CCDC137: variants seen among roughly 807,000 people sequenced by gnomAD.
CCDC137 encodes coiled-coil domain containing 137, also known as coiled-coil domain-containing protein 137.
CCDC137 carries 24 observed loss-of-function variants against 30.4 expected under a neutral mutation model. The observed-to-expected ratio is 0.79, with a 90% CI of 0.57 to 1.11. The LOEUF (loss-of-function observed/expected upper bound fraction) is 1.11, where lower values mean the gene tolerates loss of function less well. CCDC137 is among the 50% of genes least tolerant of loss of function. The probability of loss-of-function intolerance (pLI) is 0.00; values close to 1 mark genes in which losing one functional copy is unlikely to be tolerated. For synonymous variants in CCDC137, 182 were observed against 155.7 expected (o/e 1.17, Z -1.26); for missense variants, 417 against 380.4 (o/e 1.10, Z -0.80).
intron 5 of CCDC137, 63 bp from the exon 6 acceptor site, chr17:81,672,432 G>A: frequency 6.8e-7 from 1 of 1,466,632 alleles, no homozygotes; most frequent in African/African-American, 1.4e-5. Flanking sequence ...TTGAAGCTGT[G>A]AGGCTTTCTG....
Position 81,672,475 on chromosome 17 carries a change from C to T in CCDC137, c.661-20C>T. 6.5e-7 allele frequency: 1 copy of T among 1,547,616 alleles called. No homozygotes were observed. The highest frequency in any genetic ancestry group is 1.4e-5 in the African/African-American group (1 of 73,198). ...CCCTCCTTTCCCAGCCTGTGCCTCA[C>T]CCTCCCCTCTCTCCCTCAGCCTGGC... On this transcript the variant is annotated intron_variant, in intron 5 of 5. Transcript: ENST00000329214.
At chr17:81,672,367 T>G (rs544341777) in intron 5 of CCDC137, 128 bp from the exon 6 acceptor site, 4 of 979,236 alleles carry the variant, frequency 4.1e-6, no homozygotes, top group Admixed American at 5.1e-5. Flanking sequence ...AGCCAACGTG[T>G]GCGCTGTCTG....
intron 2 of CCDC137, among the ~76,000 whole-genome samples, chr17:81,669,172 G>A (rs1237705424): frequency 6.6e-6 from 1 of 151,662 alleles, no homozygotes; most frequent in Non-Finnish European, 1.5e-5. Flanking sequence ...TTACAGGTGT[G>A]AGCCACTGTG....
In CCDC137 at chr17:81,670,321, A is replaced by G. The variant is rs200847273; in HGVS notation, c.365A>G (p.Asp122Gly). The change falls in exon 3 of 6, where the codon GAC (aspartate) becomes GGC (glycine). Residue 122 changes from aspartate (D) to glycine (G), a missense_variant. Transcript: ENST00000329214. ...PKFKQRKGESDGAYIHRMQQE... is the reference protein window; with the variant it reads ...PKFKQRKGESGGAYIHRMQQE... ...TTCAAACAGAGGAAGGGGGAGTCTG[A>G]CGGGGCCTATATCCACCGCATGCAG... 1.9e-6 allele frequency: 3 copies of G among 1,613,992 alleles called. No homozygotes were observed. In the African/African-American group the frequency reaches 4.0e-5, roughly 22 times the overall value.
rs370516445 is a variant in CCDC137, at chr17:81,672,679, G to A, written c.845G>A (p.Arg282Gln). The A allele has an allele frequency of 3.6e-5, 58 of 1,597,352 alleles. No homozygotes were observed. Among genetic ancestry groups the A allele is most frequent in the South Asian group, 2.8e-4 (25 of 88,490 alleles). The change falls in exon 6 of 6, where the codon CGG (arginine) becomes CAG (glutamine). Residue 282 changes from arginine to glutamine, a missense_variant. Transcript: ENST00000329214. ...LHGERPHLTS[R>Q]KKPEPQL is the part of the protein sequence containing the mutation. ...GGGGAGCGACCCCACCTCACTTCCC[G>A]GAAGAAGCCAGAGCCGCAGCTGTGA...
At position 81,672,768 on chromosome 17, in the gene CCDC137, G is replaced by C; in HGVS notation, c.*64G>C. The C allele has an allele frequency of 1.4e-6, 2 of 1,437,302 alleles. No individual in the cohort carries two copies. 89.0% of individuals were successfully genotyped at this position (1,437,302 alleles called of 1,614,324 possible). On this transcript the variant is annotated 3_prime_UTR_variant, in exon 6 of 6. Coordinates refer to ENST00000329214, the MANE Select transcript of CCDC137 (RefSeq NM_199287.3). Reference sequence around the variant, plus strand: ...CTGGCACCAGGAGCTGCTACACCTGGGTAGGAGAGAGGCAGGCCATGCCAG... The same window carrying C: ...CTGGCACCAGGAGCTGCTACACCTGCGTAGGAGAGAGGCAGGCCATGCCAG...
chr17:81,668,994 A>G (rs569752514), intron 2 of CCDC137, among the ~76,000 whole-genome samples: 9 of 151,622 alleles, frequency 5.9e-5, no homozygotes, highest in African/African-American at 1.7e-4. Context: ...AGTGCAAGCA[A>G]TTCTCCTGCC....
chr17:81,670,486 C>G (rs1466764771), intron 3 of CCDC137, 33 bp downstream of exon 3: 2 of 1,575,068 alleles, frequency 1.3e-6, no homozygotes, highest in East Asian at 4.5e-5. Context: ...GGGGTCTGCC[C>G]TGGGAGCCGG....
In CCDC137 at chr17:81,671,726, A is replaced by AT. The variant is rs1491183290; in HGVS notation, c.498-17dup. The AT allele has an allele frequency of 2.5e-6, 4 of 1,611,886 alleles. No individual in the cohort carries two copies. The Admixed American group carries it at 6.7e-5, about 27-fold the overall frequency. On this transcript the variant is annotated splice_polypyrimidine_tract_variant and intron_variant, in intron 3 of 5. Transcript: ENST00000329214. ...AAGAGAATTTAGGAATCTGAGTGAC[A>AT]TGTGCTTTCTTCCCCAGGTTCCAGA...
chr17:81,672,255 A>T (rs1418260741), intron 5 of CCDC137, 100 bp downstream of exon 5: 2 of 1,273,564 alleles, frequency 1.6e-6, no homozygotes, highest in Non-Finnish European at 2.2e-6. Flanking sequence ...CTGTAATCCC[A>T]GCACATTGGG....
chr17:81,671,898 C>A, intron 4 of CCDC137, 72 bp downstream of exon 4: 1 of 1,558,482 alleles, frequency 6.4e-7, no homozygotes, highest in Non-Finnish European at 8.8e-7. Context: ...CTGTTCCCCA[C>A]CAGCCCTGGC....
rs749160361 is a variant in CCDC137, at chr17:81,667,712, C to A, written c.135-17C>A. The A allele has an allele frequency of 9.3e-6, 15 of 1,613,354 alleles. No homozygotes were observed. Among genetic ancestry groups the A allele is most frequent in the Non-Finnish European group, 1.2e-5 (14 of 1,179,862 alleles). On this transcript the variant is annotated splice_polypyrimidine_tract_variant and intron_variant, in intron 1 of 5. Coordinates refer to ENST00000329214, the MANE Select transcript of CCDC137 (RefSeq NM_199287.3). ...CTTTACTTGGGACGGGTCTCACCCC[C>A]GTGTTCTTTCTCCCAGCAAAGAGAA...
At chr17:81,670,475 A>C in intron 3 of CCDC137, 22 bp downstream of exon 3, 1 of 1,590,492 alleles carries the variant, frequency 6.3e-7, no homozygotes, top group Non-Finnish European at 8.6e-7. Flanking sequence ...CGGGAGGGGG[A>C]GGGGTCTGCC....
At position 81,667,778 on chromosome 17, in the gene CCDC137, G is replaced by T. The variant is rs372565856; in HGVS notation, c.184G>T (p.Glu62Ter). 1.1e-5 allele frequency: 18 copies of T among 1,613,432 alleles called. No homozygotes were observed. Among genetic ancestry groups the T allele is most frequent in the African/African-American group, 1.1e-4 (8 of 74,898 alleles). ...NCKPKNQDEQ[E>*]IPFRLREIMR... Reference sequence around the variant, plus strand: ...CAAGCCCAAGAACCAGGACGAACAGGAGATTCCTTTCCGGCTCCGGGAGAT... The same window carrying T: ...CAAGCCCAAGAACCAGGACGAACAGTAGATTCCTTTCCGGCTCCGGGAGAT... Residue 62 changes from glutamate (E) to a stop codon, truncating the protein, a stop_gained, in exon 2 of 6, where the codon GAG (glutamate) becomes TAG (stop). Coordinates refer to ENST00000329214, the MANE Select transcript of CCDC137 (RefSeq NM_199287.3). LOFTEE classifies it high-confidence loss of function.
intron 2 of CCDC137, among the ~76,000 whole-genome samples, chr17:81,668,513 A>G (rs2036679272): frequency 6.6e-6 from 1 of 152,188 alleles, no homozygotes; most frequent in African/African-American, 2.4e-5. Flanking sequence ...CAAACGTGGC[A>G]CTGGTTTTAC....
chr17:81,667,858 AGCAGGTGTGTGCAG>A lies in CCDC137; in HGVS notation c.267_268+12del. On this transcript the variant is annotated splice_donor_variant and splice_donor_5th_base_variant and coding_sequence_variant and intron_variant, in exon 2 of 6. Transcript: ENST00000329214. LOFTEE classifies it high-confidence loss of function. ...CGATCAGTAACAAGAAGAGGAAGAA[AGCAGGTGTGTGCAG>A]GCCCATACTGGGCGGCAGTGAAGCT... is the stretch of plus-strand genomic sequence containing the variant. The A allele has an allele frequency of 6.2e-7, 1 of 1,611,490 alleles. No homozygotes were observed. Among genetic ancestry groups the A allele is most frequent in the Non-Finnish European group, 8.5e-7 (1 of 1,179,886 alleles).
chr17:81,672,428 C>G (rs2036729867), intron 5 of CCDC137, 67 bp from the exon 6 acceptor site: 1 of 1,437,522 alleles, frequency 7.0e-7, no homozygotes, highest in Non-Finnish European at 9.4e-7. Flanking sequence ...GCTGTTGAAG[C>G]TGTGAGGCTT....
intron 2 of CCDC137, among the ~76,000 whole-genome samples, chr17:81,668,857 A>G (rs550085645): frequency 2.0e-5 from 3 of 148,516 alleles, no homozygotes; most frequent in Admixed American, 6.7e-5. Context: ...ACGCACCACC[A>G]TACCCAGCTA....
At position 81,672,542 on chromosome 17, in the gene CCDC137, T is replaced by C. The variant is rs1047706770; in HGVS notation, c.708T>C (p.Gly236=). 3 of 1,569,328 alleles carry C rather than the reference T, an allele frequency of 1.9e-6. No homozygotes were observed. The highest frequency in any genetic ancestry group is 2.6e-6 in the Non-Finnish European group (3 of 1,157,230). ...QMLRMLLSPG[G]VSQPLTASLA... Reference sequence around the variant, plus strand: ...TGCGGATGCTTCTGAGCCCCGGTGGTGTGTCCCAGCCTCTGACCGCCTCCC... The same window carrying C: ...TGCGGATGCTTCTGAGCCCCGGTGGCGTGTCCCAGCCTCTGACCGCCTCCC... Residue 236 remains glycine (G), a synonymous_variant, in exon 6 of 6, where the codon GGT becomes GGC. Transcript: ENST00000329214.
Sources: allele counts gnomAD v4.1 joint callset (sites outside exome capture counted in the v4.1 genomes callset), GRCh38; gene constraint gnomAD v4.1.1; transcripts MANE v1.5; gene names NCBI Gene and HGNC (gene_info 2026-07-23, HGNC 2026-07-21).